Variants in GSE1 observed in about 807,000 individuals in gnomAD.
GSE1 encodes genetic suppressor element 1.
In GSE1, 32 loss-of-function variants were observed where a neutral mutation model predicts 112.6. That is an observed-to-expected ratio of 0.28 (90% CI 0.21 to 0.38). The LOEUF (loss-of-function observed/expected upper bound fraction) is 0.38. GSE1 is among the 10% of genes least tolerant of loss of function. The pLI, the probability that GSE1 is intolerant of heterozygous loss-of-function variation, is 1.00. For missense variants in GSE1, 2,348 were observed against 1,699.2 expected (o/e 1.38, Z -6.71); for synonymous variants, 1,115 against 735.6 (o/e 1.52, Z -8.35).
chr16:85,572,334 A>G (rs995412219), intron 1 of GSE1, among the ~76,000 whole-genome samples: 1 of 142,896 alleles, frequency 7.0e-6, no homozygotes, highest in African/African-American at 2.7e-5. Context: ...CACACACACC[A>G]CATACCCCTC....
intron 2 of GSE1, among the ~76,000 whole-genome samples, chr16:85,642,690 C>G (rs544648540): frequency 6.6e-5 from 10 of 152,254 alleles, no homozygotes; most frequent in African/African-American, 2.4e-4. Flanking sequence ...GAAGCACGTC[C>G]GGTAGTTACC....
At chr16:85,207,365 C>T (rs563858050) in intron 1 of GSE1, among the ~76,000 whole-genome samples, 11 of 152,348 alleles carry the variant, frequency 7.2e-5, no homozygotes, top group Non-Finnish European at 4.4e-5. Context: ...CCCTGCCCGC[C>T]GCCAGCCATC....
upstream of GSE1, chr16:85,613,224 G>A: frequency 2.7e-6 from 4 of 1,497,304 alleles, no homozygotes; most frequent in East Asian, 2.7e-5. Context: ...TGTCCTCGGC[G>A]GCGACAGCAG....
chr16:85,268,127 C>T (rs1472990039), intron 1 of GSE1, among the ~76,000 whole-genome samples: 2 of 152,104 alleles, frequency 1.3e-5, no homozygotes, highest in African/African-American at 2.4e-5. Context: ...CTCTGTATTT[C>T]GTGACACAGT....
At chr16:85,553,114 G>A (rs1048502045), upstream of GSE1, among the ~76,000 whole-genome samples, 2 of 151,822 alleles carry the variant, frequency 1.3e-5, no homozygotes, top group Non-Finnish European at 2.9e-5. Context: ...CGGGTGGGCG[G>A]TCTAACCCGC....
intron 1 of GSE1, among the ~76,000 whole-genome samples, chr16:85,313,519 C>T (rs116746857): frequency 0.048 from 7,317 of 152,206 alleles, 600 homozygotes; most frequent in African/African-American, 0.17. Flanking sequence ...AGAATATTAC[C>T]ACCCCCCACC....
At chr16:85,483,562 G>C (rs192171271) in intron 2 of GSE1, among the ~76,000 whole-genome samples, 1 of 152,398 alleles carries the variant, frequency 6.6e-6, no homozygotes, top group East Asian at 1.9e-4. Flanking sequence ...TCTTCCACCA[G>C]GCGATGCCCA....
chr16:85,540,300 G>A (rs1343775775), intron 2 of GSE1, among the ~76,000 whole-genome samples: 2 of 152,188 alleles, frequency 1.3e-5, no homozygotes, highest in Non-Finnish European at 2.9e-5. Context: ...GATGTTCAAT[G>A]GGCAGCACTA....
chr16:85,649,381 A>T (rs1246525336), intron 3 of GSE1, among the ~76,000 whole-genome samples: 2 of 152,198 alleles, frequency 1.3e-5, no homozygotes, highest in Admixed American at 1.3e-4. Flanking sequence ...GAACTGAACA[A>T]AGAATTGAGG....
At chr16:85,195,295 A>G (rs1222674194) in intron 1 of GSE1, among the ~76,000 whole-genome samples, 1 of 152,210 alleles carries the variant, frequency 6.6e-6, no homozygotes, top group Non-Finnish European at 1.5e-5. Flanking sequence ...TCTTACAAGA[A>G]GGATTTTTCT....
At chr16:85,298,705 G>A (rs1049810530) in intron 1 of GSE1, among the ~76,000 whole-genome samples, 8 of 152,202 alleles carry the variant, frequency 5.3e-5, no homozygotes, top group African/African-American at 1.9e-4. Context: ...GGAATTACAG[G>A]CGTGAGCCAC....
chr16:85,663,766 C>T, intron 11 of GSE1, 152 bp downstream of exon 11: 1 of 767,910 alleles, frequency 1.3e-6, no homozygotes, highest in South Asian at 1.8e-5. Flanking sequence ...GGAACAGCCT[C>T]TCTGTTCTTA....
intron 2 of GSE1, among the ~76,000 whole-genome samples, chr16:85,524,569 G>C (rs1022742779): frequency 1.1e-4 from 16 of 150,530 alleles, no homozygotes; most frequent in Non-Finnish European, 5.9e-5. Context: ...GTGGGGTCCA[G>C]GGGGAGCCGA....
chr16:85,592,249 G>A (rs7189536), intron 1 of GSE1: 103,080 of 151,492 alleles, frequency 0.68, 36,273 homozygotes, highest in East Asian at 0.84. Flanking sequence ...CGCAACTTCC[G>A]CTTCCTGGGT....
chr16:85,508,722 T>C (rs6564127), intron 2 of GSE1, among the ~76,000 whole-genome samples: 57,320 of 152,086 alleles, frequency 0.38, 11,404 homozygotes, highest in Middle Eastern at 0.5. Flanking sequence ...TGGAGACTGG[T>C]GTGCTGGTCT....
intron 1 of GSE1, among the ~76,000 whole-genome samples, chr16:85,177,934 A>G (rs900665315): frequency 2.0e-5 from 3 of 152,046 alleles, no homozygotes; most frequent in African/African-American, 7.2e-5. Flanking sequence ...ATCCATATCT[A>G]CCTTGGAGAA....
intron 1 of GSE1, among the ~76,000 whole-genome samples, chr16:85,293,626 G>A (rs576132912): frequency 7.9e-5 from 12 of 152,272 alleles, no homozygotes; most frequent in East Asian, 3.9e-4. Context: ...TCCGAAGTCC[G>A]GAATCAGGGT....
chr16:85,381,888 G>A (rs1402454794), intron 2 of GSE1, among the ~76,000 whole-genome samples: 2 of 152,236 alleles, frequency 1.3e-5, no homozygotes, highest in African/African-American at 2.4e-5. Flanking sequence ...TCCCCTGCCT[G>A]ACACCCGCCT....
rs1322838818 is a variant in GSE1, at chr16:85,373,847, C to T, written c.2464+16204C>T. On this transcript the variant is annotated intron_variant, in intron 2 of 2. Transcript: ENST00000637419. The surrounding 1 kb of genome is among the most constrained non-coding windows in gnomAD (Gnocchi z 5.1). ...CCCCACGGTGCCCCACGGTTACCACCGCCACGGCAGGGCCAGTCTCTTTGT... is the reference window on the plus strand; with the variant it reads ...CCCCACGGTGCCCCACGGTTACCACTGCCACGGCAGGGCCAGTCTCTTTGT... Among the ~76,000 whole-genome samples the T allele has an allele frequency of 6.6e-6, 1 of 152,122 alleles. No homozygotes were observed. The highest frequency in any genetic ancestry group is 1.9e-4 in the East Asian group (1 of 5,188).
Sources: allele counts gnomAD v4.1 joint callset (sites outside exome capture counted in the v4.1 genomes callset), GRCh38; gene constraint gnomAD v4.1.1; non-coding constraint Gnocchi (gnomAD v3.1); transcripts MANE v1.5; gene names NCBI Gene and HGNC (gene_info 2026-07-23, HGNC 2026-07-21).